FHIT: variants seen among roughly 807,000 people sequenced by gnomAD.
FHIT encodes the protein bis(5'-adenosyl)-triphosphatase.
Under a neutral mutation model 17.9 loss-of-function variants are expected in FHIT, and 19 were observed. The observed-to-expected ratio is 1.06, with a 90% CI of 0.74 to 1.56. FHIT has a LOEUF of 1.56. Among genes scored for constraint, FHIT ranks in the 40% most tolerant of loss-of-function variants. The probability of loss-of-function intolerance (pLI) is 0.00; values close to 1 mark genes in which losing one functional copy is unlikely to be tolerated. For missense variants in FHIT, 248 were observed against 189.2 expected, an observed-to-expected ratio of 1.31 and a Z score of -1.82; for synonymous variants, 81 against 69.7, an observed-to-expected ratio of 1.16 and a Z score of -0.81.
At chr3:60,019,635 C>T (rs989329770) in intron 5 of FHIT, among the ~76,000 whole-genome samples, 21 of 152,204 alleles carry the variant, frequency 1.4e-4, no homozygotes, top group Admixed American at 4.6e-4. Context: ...TCAGGCTGGT[C>T]GTAAACTCCC....
intron 4 of FHIT, among the ~76,000 whole-genome samples, chr3:60,577,192 G>T (rs989283253): frequency 2.0e-5 from 3 of 151,952 alleles, no homozygotes; most frequent in African/African-American, 7.3e-5. Flanking sequence ...CATGGTTCTG[G>T]CCCTCCCAAA....
intron 4 of FHIT, among the ~76,000 whole-genome samples, chr3:60,755,400 T>A (rs1173865118): frequency 6.6e-6 from 1 of 152,214 alleles, no homozygotes; most frequent in African/African-American, 2.4e-5. Flanking sequence ...TGTTTTAAGA[T>A]AAGTCGAAAA....
chr3:60,164,917 T>C (rs367889114), intron 5 of FHIT, among the ~76,000 whole-genome samples: 76 of 152,272 alleles, frequency 5.0e-4, no homozygotes, highest in African/African-American at 1.0e-3. Context: ...AACTCCAATT[T>C]TCCAGGACAG....
At chr3:60,449,257 T>C (rs1316239180) in intron 5 of FHIT, among the ~76,000 whole-genome samples, 4 of 152,160 alleles carry the variant, frequency 2.6e-5, no homozygotes, top group Non-Finnish European at 4.4e-5. Context: ...CCGGTCTGTA[T>C]GCAACATCTT....
intron 3 of FHIT, among the ~76,000 whole-genome samples, chr3:60,998,607 A>G: frequency 6.6e-6 from 1 of 152,146 alleles, no homozygotes; most frequent in Non-Finnish European, 1.5e-5. Context: ...TCATTGTCAC[A>G]TACATTTTTT....
chr3:59,786,869 A>G (rs1699329984), intron 8 of FHIT, among the ~76,000 whole-genome samples: 1 of 152,236 alleles, frequency 6.6e-6, no homozygotes. Flanking sequence ...TGAAGAAATC[A>G]AGGTGCCAAA....
intron 7 of FHIT, among the ~76,000 whole-genome samples, chr3:59,980,856 C>T (rs957401339): frequency 6.6e-6 from 1 of 152,144 alleles, no homozygotes; most frequent in Non-Finnish European, 1.5e-5. Flanking sequence ...TGTGGTATTA[C>T]CTTAGAGCAT....
chr3:61,138,562 G>A (rs1274528688), intron 2 of FHIT, among the ~76,000 whole-genome samples: 1 of 152,202 alleles, frequency 6.6e-6, no homozygotes, highest in African/African-American at 2.4e-5. Flanking sequence ...CTTAATAAAG[G>A]CTTAATGGTG....
rs546675212 is a variant in FHIT at position 60,631,245 on chromosome 3, T to C, written c.-17-94266A>G. 5.3e-5 allele frequency among the ~76,000 whole-genome samples: 8 copies of C among 152,238 alleles called. No homozygotes were observed. The South Asian group carries it at 1.7e-3, about 32-fold the overall frequency. On this transcript the variant is annotated intron_variant, in intron 4 of 9. Coordinates refer to ENST00000492590, the MANE Select transcript of FHIT (RefSeq NM_002012.4). ...AAGGATTTACAGCTGTGAAGAGGTA[T>C]AATATCATTTTGATTTGGGTTGTAC...
At position 60,126,644 on chromosome 3, in the gene FHIT, C is replaced by A. The variant is rs560343641; in HGVS notation, c.104-112492G>T. 3.3e-5 allele frequency among the ~76,000 whole-genome samples: 5 copies of A among 152,302 alleles called. 1 individual carries two copies. In the East Asian group the frequency reaches 7.7e-4, roughly 23 times the overall value. Reference sequence around the variant, plus strand: ...TCAACCAACAGAATTTGATTCACAACAGAACTCAGATTCAAGCCAGAGTCA... The same window carrying A: ...TCAACCAACAGAATTTGATTCACAAAAGAACTCAGATTCAAGCCAGAGTCA... On this transcript the variant is annotated intron_variant, in intron 5 of 9. Coordinates refer to ENST00000492590, the MANE Select transcript of FHIT (RefSeq NM_002012.4).
chr3:59,856,439 A>G (rs1191279634), intron 8 of FHIT, among the ~76,000 whole-genome samples: 1 of 152,190 alleles, frequency 6.6e-6, no homozygotes, highest in Non-Finnish European at 1.5e-5. Flanking sequence ...AAAAAAAGAG[A>G]TTATTCCCCA....
chr3:60,997,145 T>C (rs2030730964), intron 3 of FHIT, among the ~76,000 whole-genome samples: 1 of 152,214 alleles, frequency 6.6e-6, no homozygotes, highest in African/African-American at 2.4e-5. Flanking sequence ...AGGCATTTCC[T>C]AGTGCATTTC....
intron 2 of FHIT, among the ~76,000 whole-genome samples, chr3:61,074,608 C>G (rs1203374291): frequency 6.6e-6 from 1 of 152,146 alleles, no homozygotes; most frequent in Non-Finnish European, 1.5e-5. Context: ...TGAGGCTGCT[C>G]TTATCCTTTG....
Position 60,372,291 on chromosome 3 carries a change from C to A in FHIT, c.103+164569G>T, listed in dbSNP as rs567620767. ...AGCCAACCTTCCAAATTTACCTGAG[C>A]ATAGAGCACCACCCCTTCACCACCA... On this transcript the variant is annotated intron_variant, in intron 5 of 9. Transcript: ENST00000492590. Among the ~76,000 whole-genome samples, 8 of 152,232 alleles carry A rather than the reference C, an allele frequency of 5.3e-5. No homozygotes were observed. In the South Asian group the frequency reaches 1.7e-3, roughly 32 times the overall value.
chr3:61,013,113 A>C (rs1258640651), intron 3 of FHIT, among the ~76,000 whole-genome samples: 1 of 152,188 alleles, frequency 6.6e-6, no homozygotes, highest in Non-Finnish European at 1.5e-5. Flanking sequence ...TAAACTTATA[A>C]CAAATTGGAA....
intron 7 of FHIT, among the ~76,000 whole-genome samples, chr3:60,005,794 T>A (rs1267970940): frequency 6.6e-6 from 1 of 152,072 alleles, no homozygotes; most frequent in Non-Finnish European, 1.5e-5. Flanking sequence ...TCTCTTGGAG[T>A]GTCTTTCCAA....
At chr3:60,172,275 T>A (rs935765167) in intron 5 of FHIT, among the ~76,000 whole-genome samples, 1 of 152,040 alleles carries the variant, frequency 6.6e-6, no homozygotes, top group African/African-American at 2.4e-5. Context: ...TGTTTGTTTG[T>A]TTGCTTTGAG....
intron 5 of FHIT, among the ~76,000 whole-genome samples, chr3:60,200,686 C>T (rs1184546793): frequency 6.8e-6 from 1 of 147,308 alleles, no homozygotes; most frequent in Non-Finnish European, 1.5e-5. Flanking sequence ...AAAAAAAAGG[C>T]TGTCATTGAA....
chr3:60,706,662 C>A (rs2041380861), intron 4 of FHIT, among the ~76,000 whole-genome samples: 1 of 152,112 alleles, frequency 6.6e-6, no homozygotes, highest in South Asian at 2.1e-4. Context: ...TAATTCTCCT[C>A]AAAAAGGAAG....
Sources: allele counts gnomAD v4.1 joint callset (sites outside exome capture counted in the v4.1 genomes callset), GRCh38; gene constraint gnomAD v4.1.1; transcripts MANE v1.5; gene names NCBI Gene and HGNC (gene_info 2026-07-23, HGNC 2026-07-21).